The following ATP9A variants were observed in gnomAD, a reference collection of about 807,000 sequenced individuals.
ATP9A encodes ATPase phospholipid transporting 9A.
In ATP9A, 52 loss-of-function variants were observed where a neutral mutation model predicts 144.1. The observed-to-expected ratio is 0.36, with a 90% CI of 0.29 to 0.45. The LOEUF (loss-of-function observed/expected upper bound fraction) is 0.45. Among genes scored for constraint, ATP9A ranks in the 20% least tolerant of loss-of-function variants. The pLI, the probability that ATP9A is intolerant of heterozygous loss-of-function variation, is 1.00. For missense variants in ATP9A, 947 were observed against 1,392.7 expected (o/e 0.68, Z 5.09); for synonymous variants, 582 against 557.4 (o/e 1.04, Z -0.62).
intron 14 of ATP9A, among the ~76,000 whole-genome samples, chr20:51,645,996 G>C (rs946294832): frequency 2.0e-5 from 3 of 152,200 alleles, no homozygotes; most frequent in Non-Finnish European, 4.4e-5. Flanking sequence ...TAAGGTGGAT[G>C]AATGAACAGA....
chr20:51,629,795 T>C (rs978494553), intron 15 of ATP9A, among the ~76,000 whole-genome samples: 1 of 152,144 alleles, frequency 6.6e-6, no homozygotes, highest in Non-Finnish European at 1.5e-5. Flanking sequence ...AAGTACCAGT[T>C]TCTAGTTGTG....
chr20:51,729,078 G>A (rs1165291135), intron 2 of ATP9A, among the ~76,000 whole-genome samples: 2 of 152,188 alleles, frequency 1.3e-5, no homozygotes, highest in Non-Finnish European at 2.9e-5. Context: ...TCTCTCTATA[G>A]ATGGTAAGAT....
intron 1 of ATP9A, among the ~76,000 whole-genome samples, chr20:51,739,988 T>C (rs2077778239): frequency 6.6e-6 from 1 of 152,178 alleles, no homozygotes; most frequent in Non-Finnish European, 1.5e-5. Flanking sequence ...CCCTGGACTT[T>C]CAGTCTCAGA....
chr20:51,608,302 G>A (rs538343734), intron 25 of ATP9A, among the ~76,000 whole-genome samples: 13 of 152,194 alleles, frequency 8.5e-5, no homozygotes, highest in African/African-American at 2.4e-4. Context: ...ACTTTTTCAC[G>A]TTCTTTATAC....
In ATP9A at chr20:51,747,098, G is replaced by A. The variant is rs1201711393; in HGVS notation, c.69-17120C>T. Among the ~76,000 whole-genome samples the A allele has an allele frequency of 5.0e-5, 7 of 138,692 alleles. No individual in the cohort carries two copies. The Admixed American group carries it at 5.1e-4, about 10-fold the overall frequency. 91.0% of individuals were successfully genotyped at this position (138,692 alleles called of 152,430 possible). On this transcript the variant is annotated intron_variant, in intron 1 of 27. Coordinates refer to ENST00000338821, the MANE Select transcript of ATP9A (RefSeq NM_006045.3). ...AATACATCTAAGGTCTGGGTTTTTC[G>A]TTTTTTTTTTTTTTTTTCCTGTTTA... is the stretch of plus-strand genomic sequence containing the variant.
Position 51,610,169 on chromosome 20 carries a change from T to C in ATP9A, c.2572-4A>G. ...AAAACACGGAGGAAAAGACAGCCTG[T>C]GCCAAGGAGAGAGGAGGATGTCACC... On this transcript the variant is annotated splice_region_variant and splice_polypyrimidine_tract_variant and intron_variant, in intron 23 of 27. Transcript: ENST00000338821. 1 of 1,606,270 alleles carries C rather than the reference T, an allele frequency of 6.2e-7. No individual in the cohort carries two copies. The highest frequency in any genetic ancestry group is 8.5e-7 in the Non-Finnish European group (1 of 1,172,872).
chr20:51,717,496 G>A (rs948073773), intron 3 of ATP9A, among the ~76,000 whole-genome samples: 11 of 152,014 alleles, frequency 7.2e-5, no homozygotes, highest in African/African-American at 2.7e-4. Context: ...GACTAAAAAG[G>A]GTCTACAACG....
At chr20:51,626,913 C>T (rs2077251228) in intron 17 of ATP9A, among the ~76,000 whole-genome samples, 1 of 151,876 alleles carries the variant, frequency 6.6e-6, no homozygotes, top group African/African-American at 2.4e-5. Context: ...AAAAATTAGC[C>T]GGGCATGGTG....
Position 51,669,590 on chromosome 20 carries a change from T to A in ATP9A, c.1293+407A>T, listed in dbSNP as rs151115905. ...ACGTGGTCGTAAACTTGAAGTATAA[T>A]CAACCAGCAGGTTCCTTCTGGTTCT... On this transcript the variant is annotated intron_variant, in intron 13 of 27. Coordinates refer to ENST00000338821, the MANE Select transcript of ATP9A (RefSeq NM_006045.3). 3.3e-5 allele frequency among the ~76,000 whole-genome samples: 5 copies of A among 152,324 alleles called. No individual in the cohort carries two copies. The East Asian group carries it at 5.8e-4, about 18-fold the overall frequency.
intron 13 of ATP9A, among the ~76,000 whole-genome samples, chr20:51,668,287 G>A (rs1352510860): frequency 6.6e-6 from 1 of 151,880 alleles, no homozygotes; most frequent in Middle Eastern, 3.4e-3. Flanking sequence ...GATGGAGGGC[G>A]TGGTGTGCAC....
chr20:51,764,905 G>A (rs540469148), intron 1 of ATP9A, among the ~76,000 whole-genome samples: 2 of 152,034 alleles, frequency 1.3e-5, no homozygotes, highest in African/African-American at 4.8e-5. Flanking sequence ...ATTTTTAGTA[G>A]AGACAGGGTT....
Position 51,601,175 on chromosome 20 carries a change from C to T in ATP9A, c.*36G>A, listed in dbSNP as rs770655917. The T allele has an allele frequency of 7.7e-6, 12 of 1,554,000 alleles. No homozygotes were observed. The highest frequency in any genetic ancestry group is 3.7e-4 in the Middle Eastern group (2 of 5,348). ...ACTTGAGCTCTGTCCATCAGGGAAGCGCCAAGACCAGGGCCCCCTCCAGCG... is the reference window on the plus strand; with the variant it reads ...ACTTGAGCTCTGTCCATCAGGGAAGTGCCAAGACCAGGGCCCCCTCCAGCG... On this transcript the variant is annotated 3_prime_UTR_variant, in exon 28 of 28. Transcript: ENST00000338821.
At chr20:51,657,660 G>T (rs934229624) in intron 13 of ATP9A, among the ~76,000 whole-genome samples, 1 of 152,154 alleles carries the variant, frequency 6.6e-6, no homozygotes, top group East Asian at 1.9e-4. Flanking sequence ...AATCACCCTC[G>T]GCTTAGAACC....
At chr20:51,694,932 T>G (rs979894360) in intron 6 of ATP9A, among the ~76,000 whole-genome samples, 4 of 152,210 alleles carry the variant, frequency 2.6e-5, no homozygotes, top group Non-Finnish European at 4.4e-5. Context: ...TTTCACTAAA[T>G]AGGACACAAG....
At chr20:51,729,531 T>C (rs957284107) in intron 2 of ATP9A, among the ~76,000 whole-genome samples, 2 of 152,032 alleles carry the variant, frequency 1.3e-5, no homozygotes, top group East Asian at 1.9e-4. Flanking sequence ...GATCACCTGA[T>C]GTCAGGAGTT....
intron 2 of ATP9A, 23 bp from the exon 3 acceptor site, chr20:51,725,955 A>C: frequency 1.5e-6 from 2 of 1,369,606 alleles, no homozygotes; most frequent in Non-Finnish European, 2.1e-6. Context: ...GAGACAACAG[A>C]GAAAGACATT....
intron 15 of ATP9A, among the ~76,000 whole-genome samples, chr20:51,638,121 A>ATATCTATCTATC (rs1555831227): frequency 6.8e-5 from 7 of 103,028 alleles, no homozygotes; most frequent in African/African-American, 2.9e-4. Flanking sequence ...ATATATATAT[A>ATATCTATCTATC]TATCTCATAG....
chr20:51,651,279 CATAAT>C lies in ATP9A; in HGVS notation c.1506+5654_1506+5658del, dbSNP rs201428811. On this transcript the variant is annotated intron_variant, in intron 14 of 27. Transcript: ENST00000338821. ...TAATATATTATATAATATATATTTA[CATAAT>C]ATATTATATAATATATATTTACATA... 7.1e-4 allele frequency among the ~76,000 whole-genome samples: 95 copies of C among 133,440 alleles called. 1 individual carries two copies. Among genetic ancestry groups the C allele is most frequent in the African/African-American group, 2.5e-3 (91 of 35,914 alleles). 87.5% of individuals were successfully genotyped at this position (133,440 alleles called of 152,430 possible). A position where few individuals can be genotyped will look rare whatever the true frequency, so the allele number is the denominator to read the frequency against.
intron 13 of ATP9A, among the ~76,000 whole-genome samples, chr20:51,663,635 A>G (rs1410768873): frequency 6.6e-6 from 1 of 151,972 alleles, no homozygotes; most frequent in East Asian, 1.9e-4. Context: ...TCTACCAAAA[A>G]TACAAAAAAT....
Sources: gnomAD v4.1 joint callset for allele counts (sites outside exome capture counted in the v4.1 genomes callset) on GRCh38, gnomAD v4.1.1 for gene constraint, MANE v1.5 for transcripts, NCBI Gene and HGNC (gene_info 2026-07-23, HGNC 2026-07-21) for gene names.